The following CTNNA3 variants were observed in gnomAD, a reference collection of about 807,000 sequenced individuals.
The protein encoded by CTNNA3 is catenin alpha 3.
In CTNNA3, 76 loss-of-function variants were observed where a neutral mutation model predicts 95.7. The ratio of observed to expected loss-of-function variants is 0.79; its 90% CI spans 0.66 to 0.96. CTNNA3 has a LOEUF of 0.96. CTNNA3 is among the 40% of genes least tolerant of loss of function. CTNNA3 has a pLI of 0.00. For synonymous variants in CTNNA3, 431 were observed against 374.4 expected, an observed-to-expected ratio of 1.15 and a Z score of -1.74; for missense variants, 1,191 against 1,089.8, an observed-to-expected ratio of 1.09 and a Z score of -1.31.
chr10:67,740,308 G>A (rs12266695), intron 1 of CTNNA3, among the ~76,000 whole-genome samples: 18,587 of 151,984 alleles, frequency 0.12, 1,285 homozygotes, highest in Non-Finnish European at 0.16. Flanking sequence ...ATTGACAAAT[G>A]GGATCTAATT....
At chr10:66,596,258 C>T (rs1589469169) in intron 10 of CTNNA3, among the ~76,000 whole-genome samples, 1 of 152,060 alleles carries the variant, frequency 6.6e-6, no homozygotes, top group South Asian at 2.1e-4. Context: ...GGATCTCTAC[C>T]CATGACCCCT....
chr10:66,129,186 C>T (rs529450115), intron 13 of CTNNA3, among the ~76,000 whole-genome samples: 1 of 152,278 alleles, frequency 6.6e-6, no homozygotes, highest in African/African-American at 2.4e-5. Flanking sequence ...ATTGCTTGAA[C>T]CTGGGAGGTG....
At chr10:66,605,042 C>G (rs1452615913) in intron 10 of CTNNA3, among the ~76,000 whole-genome samples, 1 of 152,006 alleles carries the variant, frequency 6.6e-6, no homozygotes, top group East Asian at 1.9e-4. Context: ...GAAGCCTAAT[C>G]CAAGGAAGCT....
At chr10:67,266,988 T>C (rs530371608) in intron 5 of CTNNA3, among the ~76,000 whole-genome samples, 6 of 152,294 alleles carry the variant, frequency 3.9e-5, no homozygotes, top group Middle Eastern at 3.4e-3. Flanking sequence ...TAAACTTTTG[T>C]TGTTGAAAGC....
At chr10:66,821,096 T>C (rs888928813) in intron 7 of CTNNA3, among the ~76,000 whole-genome samples, 4 of 152,160 alleles carry the variant, frequency 2.6e-5, no homozygotes, top group African/African-American at 4.8e-5. Flanking sequence ...CCTGTGTACA[T>C]ATGTGTACTC....
At chr10:66,526,955 A>T (rs752768931) in intron 10 of CTNNA3, among the ~76,000 whole-genome samples, 1 of 150,932 alleles carries the variant, frequency 6.6e-6, no homozygotes, top group African/African-American at 2.4e-5. Flanking sequence ...ATGAAGTCCA[A>T]TTTTTTTTTC....
chr10:67,254,776 C>T (rs929869461), intron 5 of CTNNA3, among the ~76,000 whole-genome samples: 7 of 152,106 alleles, frequency 4.6e-5, no homozygotes, highest in African/African-American at 1.4e-4. Context: ...AGGTTTGTAG[C>T]CTAGTAGCAA....
At chr10:66,954,966 A>G (rs1848713810) in intron 7 of CTNNA3, among the ~76,000 whole-genome samples, 1 of 152,192 alleles carries the variant, frequency 6.6e-6, no homozygotes, top group Admixed American at 6.6e-5. Flanking sequence ...GATCTCAATT[A>G]GGAAAAGTAC....
chr10:66,898,496 C>A (rs1845591973), intron 7 of CTNNA3, among the ~76,000 whole-genome samples: 1 of 151,918 alleles, frequency 6.6e-6, no homozygotes, highest in South Asian at 2.1e-4. Context: ...AGCAAACAAA[C>A]AAAAAACAGA....
intron 7 of CTNNA3, chr10:66,926,607 TTC>T (rs781478690): frequency 1.2e-6 from 2 of 1,613,820 alleles, no homozygotes; most frequent in Admixed American, 3.3e-5. Flanking sequence ...GTCATTTTTC[TTC>T]TTTCCTTCTT....
intron 11 of CTNNA3, among the ~76,000 whole-genome samples, chr10:66,473,478 CTCT>C (rs992505350): frequency 6.6e-6 from 1 of 151,866 alleles, no homozygotes; most frequent in Non-Finnish European, 1.5e-5. Context: ...TCAATTAAAC[CTCT>C]TTCCTTTATA....
At chr10:67,642,173 A>G (rs1839558247) in intron 2 of CTNNA3, among the ~76,000 whole-genome samples, 1 of 152,180 alleles carries the variant, frequency 6.6e-6, no homozygotes, top group African/African-American at 2.4e-5. Flanking sequence ...AGCAAAAGCA[A>G]AAACAGACAA....
chr10:66,561,946 C>G (rs1462009791), intron 10 of CTNNA3, among the ~76,000 whole-genome samples: 1 of 151,768 alleles, frequency 6.6e-6, no homozygotes, highest in African/African-American at 2.4e-5. Flanking sequence ...AGGGGGAGAT[C>G]AAAGATAAGG....
chr10:66,206,053 A>G (rs2087735673), intron 13 of CTNNA3, among the ~76,000 whole-genome samples: 1 of 151,924 alleles, frequency 6.6e-6, no homozygotes, highest in African/African-American at 2.4e-5. Context: ...GATATACTCA[A>G]TTATAAGAGA....
intron 11 of CTNNA3, among the ~76,000 whole-genome samples, chr10:66,440,418 T>C (rs1173084681): frequency 1.3e-5 from 2 of 152,220 alleles, no homozygotes; most frequent in Non-Finnish European, 2.9e-5. Flanking sequence ...CCATATGTGC[T>C]ATATGCATGG....
intron 17 of CTNNA3, among the ~76,000 whole-genome samples, chr10:65,923,837 C>T (rs1380854845): frequency 1.3e-5 from 2 of 152,054 alleles, no homozygotes; most frequent in Admixed American, 6.6e-5. Flanking sequence ...AAGGGCCATA[C>T]ATAAAAGGAA....
chr10:66,003,783 G>A (rs1270138838), intron 15 of CTNNA3, among the ~76,000 whole-genome samples: 2 of 152,070 alleles, frequency 1.3e-5, no homozygotes, highest in Admixed American at 1.3e-4. Context: ...GTGTTATTAT[G>A]TGCTTACAAC....
intron 11 of CTNNA3, among the ~76,000 whole-genome samples, chr10:66,473,539 A>C (rs1839209650): frequency 6.6e-6 from 1 of 151,760 alleles, no homozygotes; most frequent in Non-Finnish European, 1.5e-5. Context: ...ATTATACTTT[A>C]AGTTTTAGGA....
intron 4 of CTNNA3, among the ~76,000 whole-genome samples, chr10:67,531,228 AC>A (rs2133183090): frequency 6.6e-6 from 1 of 152,008 alleles, no homozygotes; most frequent in African/African-American, 2.4e-5. Flanking sequence ...CTCCAGAACC[AC>A]CCTAGAATGA....
Sources: allele counts gnomAD v4.1 joint callset (sites outside exome capture counted in the v4.1 genomes callset), GRCh38; gene constraint gnomAD v4.1.1; transcripts MANE v1.5; gene names NCBI Gene and HGNC (gene_info 2026-07-23, HGNC 2026-07-21).